Variants in WDR25 observed in about 807,000 individuals in gnomAD.
WDR25 encodes the protein WD repeat domain 25, also known as WD repeat-containing protein 25.
A neutral mutation model predicts 47.7 loss-of-function variants in WDR25; 35 were observed. That is an observed-to-expected ratio of 0.73 (90% CI 0.56 to 0.97). WDR25 has a LOEUF of 0.97. WDR25 is among the 50% of genes least tolerant of loss of function. The pLI is 0.00. For missense variants in WDR25, 634 were observed against 704.7 expected, an observed-to-expected ratio of 0.90 and a Z score of 1.14; for synonymous variants, 248 against 278.9, an observed-to-expected ratio of 0.89 and a Z score of 1.10.
intron 2 of WDR25, among the ~76,000 whole-genome samples, chr14:100,396,630 C>T (rs935521435): frequency 7.9e-5 from 12 of 152,212 alleles, no homozygotes; most frequent in African/African-American, 2.7e-4. Context: ...GATGGCAGGA[C>T]AGTAGTGCTC....
At chr14:100,462,544 C>T (rs1199462138) in intron 2 of WDR25, among the ~76,000 whole-genome samples, 3 of 152,162 alleles carry the variant, frequency 2.0e-5, no homozygotes, top group East Asian at 1.9e-4. Context: ...CAGATGCTGT[C>T]GTTGTCTGTG....
chr14:100,517,106 GTTT>G (rs796096587), intron 4 of WDR25, among the ~76,000 whole-genome samples: 1 of 65,878 alleles, frequency 1.5e-5, no homozygotes, highest in Non-Finnish European at 2.8e-5. Flanking sequence ...TATCTCCTCT[GTTT>G]TTTTTTTTTT....
At chr14:100,447,395 AG>A (rs1202045492) in intron 2 of WDR25, among the ~76,000 whole-genome samples, 2 of 152,212 alleles carry the variant, frequency 1.3e-5, no homozygotes, top group African/African-American at 4.8e-5. Context: ...GCTGGGCAGT[AG>A]GGGGGCACGT....
intron 2 of WDR25, among the ~76,000 whole-genome samples, chr14:100,384,426 G>A (rs1055992644): frequency 4.6e-5 from 7 of 152,188 alleles, no homozygotes; most frequent in Non-Finnish European, 8.8e-5. Context: ...ATTGGGAACC[G>A]GCGGGGAGCC....
intron 2 of WDR25, among the ~76,000 whole-genome samples, chr14:100,464,698 T>C (rs1899548859): frequency 1.3e-5 from 1 of 75,726 alleles, no homozygotes; most frequent in African/African-American, 5.2e-5. Context: ...CCCCTCCCCA[T>C]CTCATCCTCC....
intron 2 of WDR25, among the ~76,000 whole-genome samples, chr14:100,438,901 T>G (rs1898580191): frequency 6.6e-6 from 1 of 152,198 alleles, no homozygotes. Context: ...GGATTTGAAC[T>G]CAGAACTGCC....
intron 2 of WDR25, among the ~76,000 whole-genome samples, chr14:100,393,092 C>G (rs987791331): frequency 3.9e-5 from 6 of 152,276 alleles, no homozygotes; most frequent in African/African-American, 1.4e-4. Flanking sequence ...TGAATGTGAT[C>G]TGTAATTATT....
At chr14:100,405,168 C>CTTTTTTTTTGTTTT (rs1897495773) in intron 2 of WDR25, among the ~76,000 whole-genome samples, 1 of 146,260 alleles carries the variant, frequency 6.8e-6, no homozygotes, top group African/African-American at 2.6e-5. Flanking sequence ...TCTGCCCCAT[C>CTTTTTTTTTGTTTT]TTTTTTTTTT....
chr14:100,431,552 T>C (rs944547437), intron 2 of WDR25, among the ~76,000 whole-genome samples: 8 of 150,662 alleles, frequency 5.3e-5, no homozygotes, highest in African/African-American at 1.9e-4. Context: ...GTAATTTCTT[T>C]TTTTTTTTTT....
intron 2 of WDR25, among the ~76,000 whole-genome samples, chr14:100,403,835 C>T (rs1595504189): frequency 6.6e-6 from 1 of 152,146 alleles, no homozygotes; most frequent in South Asian, 2.1e-4. Flanking sequence ...CCTCAGACTT[C>T]CATCGAGATG....
chr14:100,513,438 A>C (rs1901378017), intron 4 of WDR25, among the ~76,000 whole-genome samples: 1 of 152,318 alleles, frequency 6.6e-6, no homozygotes, highest in African/African-American at 2.4e-5. Flanking sequence ...TGGACTTCCC[A>C]CCATCCAGAA....
intron 2 of WDR25, among the ~76,000 whole-genome samples, chr14:100,408,816 TA>T (rs1458408414): frequency 3.9e-5 from 6 of 152,254 alleles, no homozygotes; most frequent in African/African-American, 1.4e-4. Flanking sequence ...CTATGTGAAT[TA>T]TTTTCCCTTT....
chr14:100,407,439 G>T lies in WDR25; in HGVS notation c.822+25693G>T, dbSNP rs1383815601. 2 of 152,326 alleles carry T rather than the reference G, an allele frequency of 1.3e-5. No individual in the cohort carries two copies. The highest frequency in any genetic ancestry group is 2.9e-5 in the Non-Finnish European group (2 of 68,096). 9.4% of individuals were successfully genotyped at this position (152,326 alleles called of 1,614,324 possible). ...AAAGTCGGTCTGGCTGAAGCTAAGT[G>T]AGGCCAGCCTTCTGGGTGTTGGGTA... On this transcript the variant is annotated intron_variant, in intron 2 of 6. Coordinates refer to ENST00000402312, the MANE Select transcript of WDR25 (RefSeq NM_001161476.3). The surrounding 1 kb of genome is among the most constrained non-coding windows in gnomAD (Gnocchi z 4.1).
intron 4 of WDR25, among the ~76,000 whole-genome samples, chr14:100,485,220 T>G (rs1900343948): frequency 1.3e-5 from 2 of 152,062 alleles, no homozygotes; most frequent in African/African-American, 4.8e-5. Flanking sequence ...ATATTACCTC[T>G]CGGTGAGGTG....
At chr14:100,415,715 A>G (rs1056659528) in intron 2 of WDR25, among the ~76,000 whole-genome samples, 2 of 152,172 alleles carry the variant, frequency 1.3e-5, no homozygotes, top group South Asian at 2.1e-4. Flanking sequence ...TGGGATCGCT[A>G]TGGGAACTGG....
chr14:100,462,407 G>A (rs1453025650), intron 2 of WDR25, among the ~76,000 whole-genome samples: 1 of 152,210 alleles, frequency 6.6e-6, no homozygotes, highest in African/African-American at 2.4e-5. Flanking sequence ...CTGCTGCAAT[G>A]TTGGGGAATT....
intron 2 of WDR25, among the ~76,000 whole-genome samples, chr14:100,400,610 A>C (rs1897355477): frequency 6.6e-6 from 1 of 152,270 alleles, no homozygotes; most frequent in Non-Finnish European, 1.5e-5. Flanking sequence ...AAGACTTATA[A>C]AATTCAAACA....
chr14:100,464,761 ATCTCATCTCATCTCATCTCATCTCATC>A (rs1252512098), intron 2 of WDR25, among the ~76,000 whole-genome samples: 8 of 42,976 alleles, frequency 1.9e-4, no homozygotes, highest in African/African-American at 9.2e-4. Flanking sequence ...ATCTCATCTC[ATCTCATCTCATCTCATCTCATCTCATC>A]TCATCTCATC....
rs548934015 is a variant in WDR25, at chr14:100,425,380, T to C, written c.823-42641T>C. Among the ~76,000 whole-genome samples, 1 of 152,344 alleles carries C rather than the reference T, an allele frequency of 6.6e-6. No individual in the cohort carries two copies. The highest frequency in any genetic ancestry group is 2.4e-5 in the African/African-American group (1 of 41,586). ...CACCCAGGAGTAGCTGTTGGGTGGA[T>C]ATACAAATGTTGCCATAGGTTGCAG... On this transcript the variant is annotated intron_variant, in intron 2 of 6. Transcript: ENST00000402312. The surrounding 1 kb of genome is among the most constrained non-coding windows in gnomAD (Gnocchi z 4.8).
Sources: allele counts gnomAD v4.1 joint callset (sites outside exome capture counted in the v4.1 genomes callset), GRCh38; gene constraint gnomAD v4.1.1; non-coding constraint Gnocchi (gnomAD v3.1); transcripts MANE v1.5; gene names NCBI Gene and HGNC (gene_info 2026-07-23, HGNC 2026-07-21).